The following TASP1 variants were observed in gnomAD, a reference collection of about 807,000 sequenced individuals.
TASP1 encodes threonine aspartase 1.
In TASP1, 16 loss-of-function variants were observed where a neutral mutation model predicts 56.6. The observed-to-expected ratio is 0.28, with a 90% CI of 0.19 to 0.43. The LOEUF is 0.43. Ranked by LOEUF, TASP1 falls within the 20% of genes least tolerant of loss-of-function variation. The pLI is 1.00. For missense variants in TASP1, 393 were observed against 511.6 expected, an observed-to-expected ratio of 0.77 and a Z score of 2.24; for synonymous variants, 179 against 184.2, an observed-to-expected ratio of 0.97 and a Z score of 0.23.
intron 10 of TASP1, among the ~76,000 whole-genome samples, chr20:13,520,935 C>A (rs2044725890): frequency 1.3e-5 from 2 of 152,046 alleles, no homozygotes; most frequent in Admixed American, 6.6e-5. Context: ...AAGAAAAAAA[C>A]AAACAACCCC....
the TASP1 span, among the ~76,000 whole-genome samples, chr20:13,302,967 T>G: frequency 1.3e-5 from 2 of 152,224 alleles, no homozygotes; most frequent in Non-Finnish European, 1.5e-5. Context: ...TAGAGTTCTC[T>G]GTCTTAACGC....
the TASP1 span, among the ~76,000 whole-genome samples, chr20:13,128,306 G>T: frequency 6.6e-6 from 1 of 152,226 alleles, no homozygotes; most frequent in Non-Finnish European, 1.5e-5. Context: ...TCCTGGATTA[G>T]TCAGGATAAG....
the TASP1 span, among the ~76,000 whole-genome samples, chr20:13,213,105 C>T: frequency 4.0e-4 from 61 of 152,042 alleles, no homozygotes; most frequent in Non-Finnish European, 7.8e-4. Context: ...CTTCTAAATG[C>T]AAATTAATCA....
chr20:13,181,918 G>C, the TASP1 span, among the ~76,000 whole-genome samples: 1 of 152,178 alleles, frequency 6.6e-6, no homozygotes, highest in South Asian at 2.1e-4. Context: ...AGAATTCAGA[G>C]ATTGCAAACA....
intron 11 of TASP1, among the ~76,000 whole-genome samples, chr20:13,448,314 T>C (rs1020102971): frequency 1.3e-5 from 2 of 152,136 alleles, no homozygotes; most frequent in African/African-American, 4.8e-5. Context: ...ACCTAGATTA[T>C]CCTGTTCCAT....
chr20:13,109,042 G>A, the TASP1 span, among the ~76,000 whole-genome samples: 21 of 152,006 alleles, frequency 1.4e-4, no homozygotes, highest in African/African-American at 4.8e-4. Context: ...CATAAACCTC[G>A]GCCATTTTTT....
chr20:13,172,530 C>T, the TASP1 span, among the ~76,000 whole-genome samples: 3,410 of 152,146 alleles, frequency 0.022, 63 homozygotes, highest in South Asian at 0.033. Flanking sequence ...TATATATATA[C>T]TGGCTGCTTG....
At chr20:13,559,320 C>A (rs1341898907) in intron 7 of TASP1, among the ~76,000 whole-genome samples, 4 of 151,936 alleles carry the variant, frequency 2.6e-5, no homozygotes, top group African/African-American at 9.7e-5. Flanking sequence ...AATGGTCCAA[C>A]CCAGAGAAAC....
the TASP1 span, chr20:13,368,431 G>C: frequency 6.6e-6 from 1 of 152,144 alleles, no homozygotes; most frequent in South Asian, 2.1e-4. Context: ...CTTCCTTCCA[G>C]AATTGTTGTA....
intron 4 of TASP1, among the ~76,000 whole-genome samples, chr20:13,605,574 G>T (rs1169105888): frequency 6.6e-6 from 1 of 151,950 alleles, no homozygotes; most frequent in Non-Finnish European, 1.5e-5. Context: ...CAGCTGCTCG[G>T]GAGGGAGATC....
chr20:13,295,404 T>G, the TASP1 span, among the ~76,000 whole-genome samples: 3 of 151,910 alleles, frequency 2.0e-5, no homozygotes, highest in Non-Finnish European at 4.4e-5. Flanking sequence ...AATCTTATAT[T>G]CCTATACCTT....
rs1019761175 is a variant in TASP1 at position 13,414,119 on chromosome 20, A to G, written c.1170+3329T>C. Among the ~76,000 whole-genome samples the G allele has an allele frequency of 1.1e-4, 16 of 152,318 alleles. 1 individual carries two copies. The highest frequency in any genetic ancestry group is 3.8e-4 in the African/African-American group (16 of 41,584). On this transcript the variant is annotated intron_variant, in intron 13 of 13. Coordinates refer to ENST00000337743, the MANE Select transcript of TASP1 (RefSeq NM_017714.3). ...ACCAGTTACTGCATTTAGTTGTCAC[A>G]TCTCTTTAGAATTATTTCCTCTGGA...
At chr20:13,234,208 C>T in the TASP1 span, among the ~76,000 whole-genome samples, 642 of 152,242 alleles carry the variant, frequency 4.2e-3, 2 homozygotes, top group African/African-American at 0.015. Flanking sequence ...TAAGGGAGAA[C>T]GTGGTATTCG....
the TASP1 span, among the ~76,000 whole-genome samples, chr20:13,319,926 A>G: frequency 1.3e-5 from 2 of 152,178 alleles, no homozygotes; most frequent in Non-Finnish European, 2.9e-5. Context: ...GGAAACAGGG[A>G]CAGGGCAGCA....
chr20:13,118,644 A>G, the TASP1 span, among the ~76,000 whole-genome samples: 95,628 of 151,908 alleles, frequency 0.63, 30,310 homozygotes, highest in Admixed American at 0.73. Flanking sequence ...CAAAGAGCAG[A>G]TGTGACAGTG....
the TASP1 span, among the ~76,000 whole-genome samples, chr20:13,344,554 C>T: frequency 6.6e-6 from 1 of 151,928 alleles, no homozygotes; most frequent in Admixed American, 6.6e-5. Flanking sequence ...ATATCTGTAC[C>T]CAGGAGAGGT....
intron 10 of TASP1, among the ~76,000 whole-genome samples, chr20:13,521,293 G>T (rs371263516): frequency 6.6e-6 from 1 of 152,084 alleles, no homozygotes; most frequent in Admixed American, 6.6e-5. Flanking sequence ...CAAAGGATTA[G>T]AAATCATGCT....
At chr20:13,189,797 T>G in the TASP1 span, among the ~76,000 whole-genome samples, 2 of 152,192 alleles carry the variant, frequency 1.3e-5, no homozygotes, top group African/African-American at 4.8e-5. Flanking sequence ...ATCCCATTAT[T>G]AGATAGGAAC....
chr20:13,340,405 T>C, the TASP1 span, among the ~76,000 whole-genome samples: 1 of 152,208 alleles, frequency 6.6e-6, no homozygotes, highest in Non-Finnish European at 1.5e-5. Flanking sequence ...TTGGGTTTTC[T>C]GTTATATGCA....
Sources: gnomAD v4.1 joint callset for allele counts (sites outside exome capture counted in the v4.1 genomes callset) on GRCh38, gnomAD v4.1.1 for gene constraint, MANE v1.5 for transcripts, NCBI Gene and HGNC (gene_info 2026-07-23, HGNC 2026-07-21) for gene names.